TNS3: variants seen among roughly 807,000 people sequenced by gnomAD.
TNS3 encodes the protein tensin 3.
Under a neutral mutation model 140.9 loss-of-function variants are expected in TNS3, and 45 were observed. The observed-to-expected ratio is 0.32, with a 90% CI of 0.25 to 0.41. The LOEUF (loss-of-function observed/expected upper bound fraction) is 0.41. Ranked by LOEUF, TNS3 falls within the 10% of genes least tolerant of loss-of-function variation. The pLI is 1.00. For missense variants in TNS3, 1,716 were observed against 1,906.7 expected, an observed-to-expected ratio of 0.90 and a Z score of 1.86; for synonymous variants, 815 against 788.4, an observed-to-expected ratio of 1.03 and a Z score of -0.56.
intron 4 of TNS3, chr7:47,470,548 C>T (rs2151737364): frequency 1.0e-6 from 1 of 985,438 alleles, no homozygotes; most frequent in Admixed American, 6.1e-5. Context: ...GACAATACTT[C>T]AGCCAAAGGT....
chr7:47,546,519 A>G (rs1799925826), intron 1 of TNS3, among the ~76,000 whole-genome samples: 1 of 152,156 alleles, frequency 6.6e-6, no homozygotes, highest in Non-Finnish European at 1.5e-5. Flanking sequence ...AGCCTGTGGC[A>G]ATTTCTACAC....
chr7:47,435,084 C>T (rs1309284899), intron 8 of TNS3, among the ~76,000 whole-genome samples, 198 bp downstream of exon 8: 2 of 151,078 alleles, frequency 1.3e-5, no homozygotes, highest in East Asian at 3.9e-4. Context: ...CCTATAAATT[C>T]TAAAGCCAAA....
intron 4 of TNS3, among the ~76,000 whole-genome samples, chr7:47,456,839 C>T (rs1443405459): frequency 1.3e-5 from 2 of 152,000 alleles, no homozygotes; most frequent in African/African-American, 4.8e-5. Flanking sequence ...TGGGTAACAA[C>T]AGGTCCCCAT....
Position 47,414,709 on chromosome 7 carries a change from G to A in TNS3, c.586+385C>T, listed in dbSNP as rs115476273. ...AGGAGGAGATGGGTTCATGAGATGC[G>A]TCAGGGGAGACTGGGTCACATTCAT... On this transcript the variant is annotated intron_variant, in intron 11 of 30. Transcript: ENST00000311160. 5.6e-3 allele frequency among the ~76,000 whole-genome samples: 859 copies of A among 152,296 alleles called. 7 individuals carry two copies. Among genetic ancestry groups the A allele is most frequent in the African/African-American group, 0.019 (806 of 41,566 alleles).
chr7:47,376,347 G>C (rs906887158), intron 16 of TNS3, among the ~76,000 whole-genome samples: 1 of 152,226 alleles, frequency 6.6e-6, no homozygotes, highest in African/African-American at 2.4e-5. Flanking sequence ...AGGTGAGCCA[G>C]GTGAGGCTGC....
At chr7:47,328,586 A>C (rs1304635911) in intron 20 of TNS3, among the ~76,000 whole-genome samples, 1 of 151,988 alleles carries the variant, frequency 6.6e-6, no homozygotes, top group Admixed American at 6.5e-5. Context: ...TGGAAGCCTG[A>C]ACAGTCTCTA....
At chr7:47,364,984 T>C (rs906373937) in intron 17 of TNS3, among the ~76,000 whole-genome samples, 1 of 152,236 alleles carries the variant, frequency 6.6e-6, no homozygotes, top group Non-Finnish European at 1.5e-5. Context: ...CAGATGCCTG[T>C]CAAATATGAA....
At chr7:47,576,010 C>A (rs898283269) in intron 1 of TNS3, among the ~76,000 whole-genome samples, 2 of 152,026 alleles carry the variant, frequency 1.3e-5, no homozygotes, top group African/African-American at 4.8e-5. Context: ...TGGACACAGG[C>A]CCCCTTTCCT....
intron 10 of TNS3, 98 bp from the exon 11 acceptor site, chr7:47,415,304 C>T: frequency 4.9e-6 from 4 of 810,494 alleles, no homozygotes; most frequent in Non-Finnish European, 7.8e-6. Context: ...GAGTCTGGGG[C>T]TCTGGGAGAG....
chr7:47,572,282 G>C (rs1246858097), intron 1 of TNS3, among the ~76,000 whole-genome samples: 2 of 152,198 alleles, frequency 1.3e-5, no homozygotes, highest in Non-Finnish European at 2.9e-5. Flanking sequence ...CCCAGAGACC[G>C]GCAACGGCAA....
At chr7:47,301,659 T>C (rs1165860719) in intron 23 of TNS3, among the ~76,000 whole-genome samples, 1 of 151,144 alleles carries the variant, frequency 6.6e-6, no homozygotes, top group African/African-American at 2.4e-5. Flanking sequence ...AAGCCTGACA[T>C]TGTACCAAGC....
Position 47,303,496 on chromosome 7 carries a change from G to T in TNS3, c.2911C>A (p.Leu971Ile), listed in dbSNP as rs759895073. 6.2e-7 allele frequency: 1 copy of T among 1,610,004 alleles called. No homozygotes were observed. Among genetic ancestry groups the T allele is most frequent in the Non-Finnish European group, 8.5e-7 (1 of 1,179,864 alleles). The change falls in exon 22 of 31, where the codon CTC (leucine) becomes ATC (isoleucine). Residue 971 changes from leucine (L) to isoleucine (I), a missense_variant. Leu to Ile is a conservative substitution (Grantham distance 5). Transcript: ENST00000311160. Reference protein sequence around the residue: ...LGSGRPTGSPLSAEFSGTRKD... With the variant: ...LGSGRPTGSPISAEFSGTRKD... Reference sequence around the variant, plus strand: ...CTGGTACCGGAGAACTCAGCGCTGAGGGGACTTCCGGTGGGCCGGCCGCTC... The same window carrying T: ...CTGGTACCGGAGAACTCAGCGCTGATGGGACTTCCGGTGGGCCGGCCGCTC...
intron 16 of TNS3, among the ~76,000 whole-genome samples, chr7:47,389,521 C>T (rs373181715): frequency 9.2e-4 from 140 of 152,318 alleles, no homozygotes; most frequent in African/African-American, 3.2e-3. Context: ...CCTCTGATTC[C>T]TGTCGGATTC....
intron 1 of TNS3, among the ~76,000 whole-genome samples, chr7:47,555,716 G>C (rs1800177938): frequency 6.6e-6 from 1 of 152,260 alleles, no homozygotes; most frequent in East Asian, 1.9e-4. Flanking sequence ...AGGCTCAGAT[G>C]ATTGTTACCA....
chr7:47,373,326 T>C (rs1791188560), intron 16 of TNS3, among the ~76,000 whole-genome samples: 1 of 152,216 alleles, frequency 6.6e-6, no homozygotes, highest in African/African-American at 2.4e-5. Context: ...TTCAAGGGAA[T>C]GAAAGATACA....
At chr7:47,385,188 C>T (rs1220520298) in intron 16 of TNS3, among the ~76,000 whole-genome samples, 2 of 152,248 alleles carry the variant, frequency 1.3e-5, no homozygotes, top group Admixed American at 6.5e-5. Context: ...TCTCCTGCCT[C>T]TGTCAATCCA....
At chr7:47,490,507 G>A (rs183913616) in intron 3 of TNS3, among the ~76,000 whole-genome samples, 29 of 152,326 alleles carry the variant, frequency 1.9e-4, no homozygotes, top group Admixed American at 1.6e-3. Flanking sequence ...GTCTGGGCTC[G>A]TCCTGGGTTT....
intron 4 of TNS3, among the ~76,000 whole-genome samples, chr7:47,460,737 T>A (rs1027777180): frequency 1.3e-5 from 2 of 152,154 alleles, no homozygotes; most frequent in Non-Finnish European, 2.9e-5. Context: ...GGAGAGGCAG[T>A]GGGGAAAACA....
intron 12 of TNS3, among the ~76,000 whole-genome samples, chr7:47,413,253 T>TTA (rs1466417619): frequency 5.0e-5 from 3 of 60,224 alleles, no homozygotes; most frequent in African/African-American, 1.1e-4. Flanking sequence ...AGCCTGGCCT[T>TTA]TTTTTTTTTT....
Sources: gnomAD v4.1 joint callset for allele counts (sites outside exome capture counted in the v4.1 genomes callset) on GRCh38, gnomAD v4.1.1 for gene constraint, MANE v1.5 for transcripts, NCBI Gene and HGNC (gene_info 2026-07-23, HGNC 2026-07-21) for gene names.